The following ARB2A variants were observed in gnomAD, a reference collection of about 807,000 sequenced individuals.
ARB2A encodes the protein ARB2 cotranscriptional regulator A, also known as cotranscriptional regulator ARB2A.
chr5:93,858,976 A>T, the ARB2A span, among the ~76,000 whole-genome samples: 26 of 152,206 alleles, frequency 1.7e-4, no homozygotes, highest in African/African-American at 5.8e-4. Flanking sequence ...TAGAAGATTA[A>T]AATGAGACAC....
chr5:93,776,171 G>A, the ARB2A span: 13 of 1,604,412 alleles, frequency 8.1e-6, no homozygotes, highest in East Asian at 4.5e-5. Context: ...GCTGAGACCC[G>A]GGGGCAATCA....
the ARB2A span, among the ~76,000 whole-genome samples, chr5:93,917,823 G>T: frequency 6.6e-6 from 1 of 152,072 alleles, no homozygotes; most frequent in Non-Finnish European, 1.5e-5. Context: ...GGTAGCAGTG[G>T]GCTGTGATTG....
chr5:93,639,339 T>A, the ARB2A span, among the ~76,000 whole-genome samples: 21 of 152,288 alleles, frequency 1.4e-4, no homozygotes, highest in African/African-American at 4.6e-4. Flanking sequence ...AAATAGACAA[T>A]TTTTTGTTAC....
At chr5:93,745,422 G>T in the ARB2A span, among the ~76,000 whole-genome samples, 1 of 152,172 alleles carries the variant, frequency 6.6e-6, no homozygotes, top group East Asian at 1.9e-4. Flanking sequence ...TATGTGCCAA[G>T]TAACATGCTA....
chr5:93,647,831 G>A, the ARB2A span, among the ~76,000 whole-genome samples: 19 of 152,226 alleles, frequency 1.2e-4, no homozygotes, highest in South Asian at 1.7e-3. Flanking sequence ...GTGCAGGATC[G>A]CATTTTGAAA....
the ARB2A span, among the ~76,000 whole-genome samples, chr5:93,631,185 G>A: frequency 3.5e-4 from 54 of 152,216 alleles, 1 homozygote; most frequent in Admixed American, 2.2e-3. Flanking sequence ...ATGCCAGGCC[G>A]TAAATTTATC....
the ARB2A span, among the ~76,000 whole-genome samples, chr5:93,982,147 G>A: frequency 6.6e-6 from 1 of 151,978 alleles, no homozygotes; most frequent in Non-Finnish European, 1.5e-5. Flanking sequence ...TGTGATATTG[G>A]GAATGCAATG....
At chr5:93,878,782 T>C in the ARB2A span, among the ~76,000 whole-genome samples, 2 of 152,104 alleles carry the variant, frequency 1.3e-5, no homozygotes, top group African/African-American at 2.4e-5. Context: ...TTACTACACA[T>C]GGCTTAATTT....
chr5:93,741,365 G>C, the ARB2A span: 1 of 1,611,476 alleles, frequency 6.2e-7, no homozygotes, highest in Non-Finnish European at 8.5e-7. Context: ...TGTGGCAGGG[G>C]ACCCAGGGGA....
At chr5:93,673,011 A>T in the ARB2A span, among the ~76,000 whole-genome samples, 1 of 152,226 alleles carries the variant, frequency 6.6e-6, no homozygotes, top group African/African-American at 2.4e-5. Flanking sequence ...AACACACATG[A>T]AACATAATTG....
At chr5:93,900,702 T>G in the ARB2A span, among the ~76,000 whole-genome samples, 4 of 151,948 alleles carry the variant, frequency 2.6e-5, no homozygotes, top group Non-Finnish European at 5.9e-5. Context: ...TACAATAACT[T>G]TAAGCATTTT....
the ARB2A span, among the ~76,000 whole-genome samples, chr5:93,633,369 C>T: frequency 9.9e-5 from 15 of 152,176 alleles, no homozygotes; most frequent in Admixed American, 7.9e-4. Flanking sequence ...TCATTTGTGT[C>T]ACATACCTCT....
At chr5:93,631,366 CTT>C in the ARB2A span, among the ~76,000 whole-genome samples, 2 of 152,164 alleles carry the variant, frequency 1.3e-5, no homozygotes, top group Non-Finnish European at 2.9e-5. Context: ...GGTTTTAACT[CTT>C]GTCTTATCTC....
At chr5:94,038,123 G>T in the ARB2A span, among the ~76,000 whole-genome samples, 1 of 151,952 alleles carries the variant, frequency 6.6e-6, no homozygotes, top group Non-Finnish European at 1.5e-5. Flanking sequence ...CAAGAAAACA[G>T]AATCTTTCAT....
At chr5:93,783,886 T>C in the ARB2A span, among the ~76,000 whole-genome samples, 2 of 152,130 alleles carry the variant, frequency 1.3e-5, no homozygotes, top group Non-Finnish European at 2.9e-5. Context: ...TTCTCTTAGC[T>C]CAAGGGTCTG....
At chr5:93,967,897 A>G in the ARB2A span, among the ~76,000 whole-genome samples, 27 of 152,238 alleles carry the variant, frequency 1.8e-4, no homozygotes, top group East Asian at 3.9e-3. Context: ...CCACCATATC[A>G]ACAGAGTTCC....
the ARB2A span, among the ~76,000 whole-genome samples, chr5:93,895,957 A>C: frequency 3.9e-5 from 6 of 152,124 alleles, no homozygotes; most frequent in South Asian, 1.2e-3. Context: ...TATCAAGTAG[A>C]AAAAACACTT....
the ARB2A span, among the ~76,000 whole-genome samples, chr5:94,093,956 C>G: frequency 6.6e-6 from 1 of 152,128 alleles, no homozygotes. Flanking sequence ...AAGGGTGATG[C>G]CCCAAACCAG....
chr5:93,805,354 A>G, the ARB2A span: 2 of 985,152 alleles, frequency 2.0e-6, no homozygotes, highest in Non-Finnish European at 2.4e-6. Context: ...ACAAGTTTTT[A>G]CCAGCTATTT....
Sources: gnomAD v4.1 joint callset for allele counts (sites outside exome capture counted in the v4.1 genomes callset) on GRCh38, gnomAD v4.1.1 for gene constraint, MANE v1.5 for transcripts, NCBI Gene and HGNC (gene_info 2026-07-23, HGNC 2026-07-21) for gene names.